The following EML5 variants were observed in gnomAD, a reference collection of about 807,000 sequenced individuals.
EML5 encodes the protein echinoderm microtubule-associated protein-like 5.
In EML5, 120 loss-of-function variants were observed where a neutral mutation model predicts 250.0. The ratio of observed to expected loss-of-function variants is 0.48; its 90% CI spans 0.41 to 0.56. EML5 has a LOEUF of 0.56. Among genes scored for constraint, EML5 ranks in the 20% least tolerant of loss-of-function variants. EML5 has a pLI of 0.00. For synonymous variants in EML5, 771 were observed against 806.5 expected, an observed-to-expected ratio of 0.96 and a Z score of 0.75; for missense variants, 2,006 against 2,437.6, an observed-to-expected ratio of 0.82 and a Z score of 3.73.
intron 1 of EML5, among the ~76,000 whole-genome samples, chr14:88,761,904 T>C (rs1317447522): frequency 2.6e-5 from 4 of 152,210 alleles, no homozygotes; most frequent in Non-Finnish European, 5.9e-5. Flanking sequence ...TATGAGATGA[T>C]ATCATACTGT....
chr14:88,708,081 T>C (rs2139803641), intron 10 of EML5, among the ~76,000 whole-genome samples: 1 of 152,296 alleles, frequency 6.6e-6, no homozygotes, highest in Non-Finnish European at 1.5e-5. Context: ...AAACTTTTCT[T>C]TGAGACTTCT....
chr14:88,735,708 G>A (rs898710154), intron 7 of EML5, among the ~76,000 whole-genome samples: 2 of 152,102 alleles, frequency 1.3e-5, no homozygotes, highest in African/African-American at 4.8e-5. Context: ...AATGACAAAT[G>A]TATAATGATA....
chr14:88,789,163 G>A (rs2094581270), intron 1 of EML5, among the ~76,000 whole-genome samples: 1 of 151,948 alleles, frequency 6.6e-6, no homozygotes, highest in African/African-American at 2.4e-5. Context: ...GCTAAAACTG[G>A]TAGTAGCTTA....
At chr14:88,772,555 C>T (rs1036290277) in intron 1 of EML5, among the ~76,000 whole-genome samples, 29 of 152,090 alleles carry the variant, frequency 1.9e-4, no homozygotes, top group African/African-American at 7.0e-4. Flanking sequence ...GAGTTCAAGA[C>T]CAGACTGGCC....
chr14:88,642,865 A>C, intron 31 of EML5, 28 bp downstream of exon 31: 1 of 1,565,884 alleles, frequency 6.4e-7, no homozygotes, highest in Non-Finnish European at 8.6e-7. Flanking sequence ...AAAAATTGAT[A>C]GAGGGATGGA....
chr14:88,626,885 G>A lies in EML5; in HGVS notation c.4693C>T (p.Leu1565=). The A allele has an allele frequency of 6.2e-7, 1 of 1,613,960 alleles. No homozygotes were observed. Among genetic ancestry groups the A allele is most frequent in the Non-Finnish European group, 8.5e-7 (1 of 1,179,856 alleles). ...LLSKKGLLST[L]EDARMQTMLA... is the part of the protein sequence containing the mutation. Reference sequence around the variant, plus strand: ...ATGGTCTGCATCCGGGCATCTTCCAGTGTGCTCAGTAGCCCTTTTTTGCTA... The same window carrying A: ...ATGGTCTGCATCCGGGCATCTTCCAATGTGCTCAGTAGCCCTTTTTTGCTA... The change falls in exon 35 of 44, where the codon CTG becomes TTG. Residue 1565 remains leucine (L), a synonymous_variant. Transcript: ENST00000554922.
chr14:88,788,999 G>C (rs2094578976), intron 1 of EML5, among the ~76,000 whole-genome samples: 1 of 151,062 alleles, frequency 6.6e-6, no homozygotes, highest in Admixed American at 6.6e-5. Context: ...AGATTTCAAA[G>C]ATACAGTGAG....
chr14:88,682,107 A>T, intron 20 of EML5, 76 bp from the exon 21 acceptor site: 5 of 1,332,522 alleles, frequency 3.8e-6, no homozygotes, highest in Non-Finnish European at 4.9e-6. Flanking sequence ...AATAAAGCTA[A>T]AGATACCATT....
Position 88,725,586 on chromosome 14 carries a change from C to T in EML5, c.1187+955G>A, listed in dbSNP as rs182123832. On this transcript the variant is annotated intron_variant, in intron 8 of 43. Transcript: ENST00000554922. ...CTGGAAAGATGGGCACTACATACCA[C>T]GTGAAGGATTATGAGCTGCATCCTA... 8.5e-5 allele frequency among the ~76,000 whole-genome samples: 13 copies of T among 152,172 alleles called. No homozygotes were observed. The East Asian group carries it at 1.7e-3, about 20-fold the overall frequency.
chr14:88,660,240 G>A (rs941127418), intron 25 of EML5, among the ~76,000 whole-genome samples: 4 of 149,874 alleles, frequency 2.7e-5, no homozygotes, highest in East Asian at 1.9e-4. Flanking sequence ...CCATGATTGC[G>A]CCATTGCATT....
chr14:88,729,047 C>T (rs982049533), intron 7 of EML5, among the ~76,000 whole-genome samples: 1 of 151,624 alleles, frequency 6.6e-6, no homozygotes, highest in African/African-American at 2.4e-5. Flanking sequence ...TTTTCAATTC[C>T]AGTAATTCAT....
intron 2 of EML5, among the ~76,000 whole-genome samples, chr14:88,747,012 T>A (rs1209713590): frequency 6.6e-6 from 1 of 152,068 alleles, no homozygotes. Context: ...ACTTCAACAA[T>A]GTGGCCCAAG....
chr14:88,664,089 G>C (rs2092227705), intron 23 of EML5, among the ~76,000 whole-genome samples: 1 of 151,366 alleles, frequency 6.6e-6, no homozygotes, highest in African/African-American at 2.4e-5. Context: ...ACCAGCCTGG[G>C]CAATATAGTG....
rs1055424738 is a variant in EML5, at chr14:88,792,606, G to A, written c.-103C>T. On this transcript the variant is annotated 5_prime_UTR_variant, in exon 1 of 44. Coordinates refer to ENST00000554922, the MANE Select transcript of EML5 (RefSeq NM_183387.3). This position sits in a 1 kb window ranked among gnomAD's most constrained non-coding sequence, Gnocchi z 6.9. ...CTCCCGCTGGCTGCCGGGACTTCCC[G>A]CCAGCCGCGTCCTCTAAGCCGCGCC... is the stretch of plus-strand genomic sequence containing the variant. The A allele has an allele frequency of 5.9e-6, 7 of 1,179,482 alleles. No individual in the cohort carries two copies. Among genetic ancestry groups the A allele is most frequent in the African/African-American group, 4.8e-5 (3 of 62,090 alleles). 73.1% of individuals were successfully genotyped at this position (1,179,482 alleles called of 1,614,324 possible). A position where few individuals can be genotyped will look rare whatever the true frequency, so the allele number is the denominator to read the frequency against.
chr14:88,618,833 A>G (rs1208725445), intron 39 of EML5, 21 bp from the exon 40 acceptor site: 22 of 1,554,374 alleles, frequency 1.4e-5, no homozygotes, highest in Non-Finnish European at 1.9e-5. Flanking sequence ...ACAAAACGTA[A>G]AAAGTATTAG....
rs529957575 is a variant in EML5, at chr14:88,688,194, G to C, written c.2742+77C>G. The stretch of plus-strand genomic sequence containing the variant: ...GATAGTCCAGGCAAGTAGAAAGGCA[G>C]TGTTCCTTTACTTCTTAAAATGCTC... On this transcript the variant is annotated intron_variant, in intron 18 of 43. Coordinates refer to ENST00000554922, the MANE Select transcript of EML5 (RefSeq NM_183387.3). 1.7e-5 allele frequency: 24 copies of C among 1,420,644 alleles called. 1 individual carries two copies. The South Asian group carries it at 2.7e-4, about 16-fold the overall frequency. 88.0% of individuals were successfully genotyped at this position (1,420,644 alleles called of 1,614,324 possible).
At chr14:88,730,330 G>T (rs1355959733) in intron 7 of EML5, among the ~76,000 whole-genome samples, 1 of 152,136 alleles carries the variant, frequency 6.6e-6, no homozygotes, top group Non-Finnish European at 1.5e-5. Context: ...TCTCATCACA[G>T]AAGTTATTCA....
At chr14:88,759,122 A>C (rs2094202762) in intron 1 of EML5, among the ~76,000 whole-genome samples, 1 of 152,174 alleles carries the variant, frequency 6.6e-6, no homozygotes, top group Non-Finnish European at 1.5e-5. Flanking sequence ...TGAATTGTGC[A>C]CTTAAAGTGT....
In EML5 at chr14:88,650,772, C is replaced by T. The variant is rs549770502; in HGVS notation, c.4005-846G>A. On this transcript the variant is annotated intron_variant, in intron 27 of 43. Transcript: ENST00000554922. Reference sequence around the variant, plus strand: ...TCCTGCTCAGCCTCCTGAGTAGGAACCTCCTGGTACAGGCATGTACTACCA... The same window carrying T: ...TCCTGCTCAGCCTCCTGAGTAGGAATCTCCTGGTACAGGCATGTACTACCA... Among the ~76,000 whole-genome samples the T allele has an allele frequency of 2.0e-5, 3 of 152,192 alleles. 1 individual carries two copies. Among genetic ancestry groups the T allele is most frequent in the African/African-American group, 7.2e-5 (3 of 41,516 alleles).
Sources: gnomAD v4.1 joint callset for allele counts (sites outside exome capture counted in the v4.1 genomes callset) on GRCh38, gnomAD v4.1.1 for gene constraint, Gnocchi (gnomAD v3.1) non-coding constraint, MANE v1.5 for transcripts, NCBI Gene and HGNC (gene_info 2026-07-23, HGNC 2026-07-21) for gene names.